Variants in ADCY7 observed in about 807,000 individuals in gnomAD.
ADCY7 encodes the protein adenylate cyclase type 7.
A neutral mutation model predicts 120.6 loss-of-function variants in ADCY7; 72 were observed. The ratio of observed to expected loss-of-function variants is 0.60; its 90% CI spans 0.49 to 0.73. The LOEUF is 0.73. Ranked by LOEUF, ADCY7 falls within the 30% of genes least tolerant of loss-of-function variation. The pLI is 0.00. For missense variants in ADCY7, 1,227 were observed against 1,486.0 expected (o/e 0.83, Z 2.87); for synonymous variants, 661 against 628.0 (o/e 1.05, Z -0.78).
chr16:50,310,607 G>A (rs756085045), intron 18 of ADCY7, 80 bp from the exon 19 acceptor site: 222 of 1,601,926 alleles, frequency 1.4e-4, no homozygotes, highest in Non-Finnish European at 1.8e-4. Flanking sequence ...CAGGGAGTGG[G>A]GCTCTGTGGT....
At chr16:50,246,252 C>T (rs1209988970) in intron 1 of ADCY7, 2 of 150,076 alleles carry the variant, frequency 1.3e-5, no homozygotes, top group East Asian at 1.9e-4. Context: ...GGGATGCGCC[C>T]GGGGTCGGGG....
rs1280817393 is a variant in ADCY7 at position 50,278,275 on chromosome 16, A to T, written c.-268-9637A>T. On this transcript the variant is annotated intron_variant, in intron 1 of 25. Transcript: ENST00000673801. ...AGGCTGGTCTCGAACTCCTGGCCTCATGTGATCTGCCTGACTCAGCCTACC... is the reference window on the plus strand; with the variant it reads ...AGGCTGGTCTCGAACTCCTGGCCTCTTGTGATCTGCCTGACTCAGCCTACC... 2.0e-5 allele frequency among the ~76,000 whole-genome samples: 3 copies of T among 152,152 alleles called. 1 individual carries two copies. Among genetic ancestry groups the T allele is most frequent in the Admixed American group, 6.6e-5 (1 of 15,256 alleles).
In ADCY7 at chr16:50,260,029, G is replaced by A. The variant is rs921224446; in HGVS notation, c.-64+13826G>A. Among the ~76,000 whole-genome samples the A allele has an allele frequency of 2.6e-5, 4 of 152,200 alleles. No individual in the cohort carries two copies. In the South Asian group the frequency reaches 6.2e-4, roughly 24 times the overall value. ...CTCCATCGAGCTGTGCTGCCTCTGC[G>A]AGTCCCTCTCCCTGGGGAGCTCACC... On this transcript the variant is annotated intron_variant, in intron 1 of 4. Transcript: ENST00000564044.
At position 50,300,709 on chromosome 16, in the gene ADCY7, C is replaced by T. The variant is rs779542957; in HGVS notation, c.1077-6C>T. On this transcript the variant is annotated splice_region_variant and splice_polypyrimidine_tract_variant and intron_variant, in intron 8 of 25. Transcript: ENST00000673801. Reference sequence around the variant, plus strand: ...GGGCTGGGGTGACTGGGCCACTCTGCCCCAGGCAGGTGCGGGAGGCCACGG... The same window carrying T: ...GGGCTGGGGTGACTGGGCCACTCTGTCCCAGGCAGGTGCGGGAGGCCACGG... 61 of 1,551,342 alleles carry T rather than the reference C, an allele frequency of 3.9e-5. No homozygotes were observed. Among genetic ancestry groups the T allele is most frequent in the African/African-American group, 6.8e-5 (5 of 73,062 alleles).
intron 16 of ADCY7, 76 bp downstream of exon 16, chr16:50,308,487 G>A: frequency 6.3e-7 from 1 of 1,597,114 alleles, no homozygotes; most frequent in Non-Finnish European, 8.5e-7. Context: ...TCCCTGGTGA[G>A]CTTGGCTGGG....
chr16:50,265,815 C>G (rs958782248), upstream of ADCY7, among the ~76,000 whole-genome samples: 2 of 152,226 alleles, frequency 1.3e-5, no homozygotes, highest in Non-Finnish European at 2.9e-5. Flanking sequence ...GAGGCCTCCC[C>G]CTCTGTTTTG....
At chr16:50,313,683 C>T (rs2036613949) in intron 22 of ADCY7, 1 of 404,938 alleles carries the variant, frequency 2.5e-6, no homozygotes, top group East Asian at 3.8e-5. Context: ...AATCTACATT[C>T]CTGTGTAGAT....
rs80123665 is a variant in ADCY7, at chr16:50,311,802, C to A, written c.2448+16C>A. The A allele has an allele frequency of 5.3e-4, 127 of 239,904 alleles. No homozygotes were observed. The East Asian group carries it at 6.2e-3, about 12-fold the overall frequency. 14.9% of individuals were successfully genotyped at this position (239,904 alleles called of 1,614,324 possible). On this transcript the variant is annotated intron_variant, in intron 20 of 25. Transcript: ENST00000673801. ...CTCCAGACAGGTAAGGAGGCTGGCC[C>A]CCCCCCCCCCCCCAAGCTCTGCCCA...
intron 1 of ADCY7, among the ~76,000 whole-genome samples, chr16:50,280,086 G>A (rs1391771582): frequency 6.6e-6 from 1 of 152,048 alleles, no homozygotes; most frequent in Admixed American, 6.6e-5. Flanking sequence ...CCTTTTATTG[G>A]TAGGCTATTT....
At chr16:50,290,799 G>A in intron 3 of ADCY7, 139 bp downstream of exon 3, 2 of 916,096 alleles carry the variant, frequency 2.2e-6, no homozygotes, top group East Asian at 2.7e-5. Flanking sequence ...TTGTCCCTGT[G>A]AGTTCTCTGC....
Position 50,290,524 on chromosome 16 carries a change from C to A in ADCY7, c.239C>A (p.Ser80Tyr). ...GTGCTGGCGGTGTTTGCGGCCCTCT[C>A]TGTGCTGATGTACGTCGAGTGTCTC... is the stretch of plus-strand genomic sequence containing the variant. ...FLVLAVFAAL[S>Y]VLMYVECLLR... is the part of the protein sequence containing the mutation. The change falls in exon 3 of 26, where the codon TCT (serine) becomes TAT (tyrosine). Residue 80 changes from serine to tyrosine, a missense_variant. This residue lies in a region of ADCY7 where 382 missense variants were observed against 411.4 expected (regional missense o/e 0.93). Transcript: ENST00000673801. 1 of 1,614,258 alleles carries A rather than the reference C, an allele frequency of 6.2e-7. No homozygotes were observed.
At position 50,288,100 on chromosome 16, in the gene ADCY7, G is replaced by T; in HGVS notation, c.-80G>T. 1 of 1,454,802 alleles carries T rather than the reference G, an allele frequency of 6.9e-7. No homozygotes were observed. The allele number at this position is 1,454,802 out of a possible 1,614,324, so 90.1% of individuals were successfully genotyped here. ...GACAGAGGCCTAGGCCCACGGGGGA[G>T]GGTGTTGGCAGACAGATGCCCTCCA... is the stretch of plus-strand genomic sequence containing the variant. On this transcript the variant is annotated 5_prime_UTR_variant, in exon 2 of 26. The change creates a new upstream start codon in the 5' untranslated region. Transcript: ENST00000673801.
At position 50,307,085 on chromosome 16, in the gene ADCY7, C is replaced by G; in HGVS notation, c.1788C>G (p.Asp596Glu). 2 of 1,611,564 alleles carry G rather than the reference C, an allele frequency of 1.2e-6. No individual in the cohort carries two copies. Among genetic ancestry groups the G allele is most frequent in the Non-Finnish European group, 1.7e-6 (2 of 1,179,998 alleles). The change falls in exon 15 of 26, where the codon GAC becomes GAG. Residue 596 changes from aspartate to glutamate, a missense_variant. Physicochemically the swap from Asp to Glu is conservative, Grantham distance 45. Coordinates refer to ENST00000673801, the MANE Select transcript of ADCY7 (RefSeq NM_001114.5). ...CACCCATCCCCCGGGCCCGCCACGA[C>G]TTTGCCTGCGCCAGCCTGATCTTCG... Reference protein sequence around the residue: ...RLAPIPRARHDFACASLIFVC... With the variant: ...RLAPIPRARHEFACASLIFVC...
At chr16:50,303,823 C>T (rs1194975785) in intron 10 of ADCY7, among the ~76,000 whole-genome samples, 5 of 152,116 alleles carry the variant, frequency 3.3e-5, no homozygotes, top group Admixed American at 6.5e-5. Flanking sequence ...GGCCATTTCT[C>T]GGGGCGGCTA....
rs2036246079 is a variant in ADCY7 at position 50,308,717 on chromosome 16, G to A, written c.1986G>A (p.Glu662=). Residue 662 remains glutamate, a synonymous_variant, in exon 17 of 26, where the codon GAG becomes GAA. Coordinates refer to ENST00000673801, the MANE Select transcript of ADCY7 (RefSeq NM_001114.5). ...GTLCTISERV[E]TQPLLRLTLA... ...TCTGCACTATCTCTGAGAGGGTGGA[G>A]ACACAGCCCCTGCTGAGGCTGACCC... 2 of 1,613,726 alleles carry A rather than the reference G, an allele frequency of 1.2e-6. No homozygotes were observed. Among genetic ancestry groups the A allele is most frequent in the Non-Finnish European group, 1.7e-6 (2 of 1,179,994 alleles).
In ADCY7 at chr16:50,294,625, C is replaced by A; in HGVS notation, c.837-15C>A. ...CCTGGCTCTGACACTCCCTCCCACC[C>A]TGCCCCATCCCCAGCATCCTCTATG... On this transcript the variant is annotated splice_polypyrimidine_tract_variant and intron_variant, in intron 6 of 25. Transcript: ENST00000673801. 2 of 1,461,618 alleles carry A rather than the reference C, an allele frequency of 1.4e-6. No individual in the cohort carries two copies. The highest frequency in any genetic ancestry group is 1.9e-6 in the Non-Finnish European group (2 of 1,048,786). The allele number at this position is 1,461,618 out of a possible 1,614,324, so 90.5% of individuals were successfully genotyped here.
intron 7 of ADCY7, among the ~76,000 whole-genome samples, chr16:50,295,219 T>C (rs2035267495): frequency 6.6e-6 from 1 of 152,216 alleles, no homozygotes; most frequent in East Asian, 1.9e-4. Context: ...CATTCTGTCA[T>C]GAAGGCTGGA....
rs1596985007 is a variant in ADCY7, at chr16:50,310,037, G to C, written c.2160+391G>C. On this transcript the variant is annotated intron_variant, in intron 18 of 25. Transcript: ENST00000673801. The stretch of plus-strand genomic sequence containing the variant: ...CAGGGCAGGCCCAGACAGGCTGATG[G>C]CAGAGGTCAAGGTCTCTGCCTGGAG... 1.3e-5 allele frequency among the ~76,000 whole-genome samples: 2 copies of C among 152,242 alleles called. 1 individual carries two copies. Among genetic ancestry groups the C allele is most frequent in the South Asian group, 4.1e-4 (2 of 4,834 alleles).
At position 50,301,097 on chromosome 16, in the gene ADCY7, G is replaced by A. The variant is rs200124253; in HGVS notation, c.1251G>A (p.Thr417=). 5 of 1,613,806 alleles carry A rather than the reference G, an allele frequency of 3.1e-6. No individual in the cohort carries two copies. Among genetic ancestry groups the A allele is most frequent in the Non-Finnish European group, 1.7e-6 (2 of 1,179,908 alleles). ...TCTCCCGTAGCCGGGTGCACATCAC[G>A]GAGGCCACGCTAAAGCACCTGGACA... is the stretch of plus-strand genomic sequence containing the variant. ...AAGVPGRVHI[T]EATLKHLDKA... The change falls in exon 10 of 26, where the codon ACG becomes ACA. Residue 417 remains threonine, a synonymous_variant. Coordinates refer to ENST00000673801, the MANE Select transcript of ADCY7 (RefSeq NM_001114.5).
Sources: gnomAD v4.1 joint callset for allele counts (sites outside exome capture counted in the v4.1 genomes callset) on GRCh38, gnomAD v4.1.1 for gene constraint, gnomAD v4.1.1 regional missense constraint, MANE v1.5 for transcripts, NCBI Gene and HGNC (gene_info 2026-07-23, HGNC 2026-07-21) for gene names.